The following PCDH11Y variants were observed in gnomAD, a reference collection of about 807,000 sequenced individuals.
The protein encoded by PCDH11Y is protocadherin-11 Y-linked.
For synonymous variants in PCDH11Y, 9 were observed against 83.6 expected (o/e 0.11, Z 4.87); for missense variants, 12 against 224.8 (o/e 0.05, Z 6.05).
At chrY:5,319,654 C>G in intron 2 of PCDH11Y, among the ~76,000 whole-genome samples, 1 of 32,813 alleles carries the variant, frequency 3.0e-5, no homozygotes, top group Non-Finnish European at 7.5e-5. Flanking sequence ...ATCCCAAATC[C>G]AAGTCCTCCT....
At chrY:5,732,724 G>A (rs2556858) in intron 4 of PCDH11Y, among the ~76,000 whole-genome samples, 1 of 32,814 alleles carries the variant, frequency 3.0e-5, no homozygotes, top group Non-Finnish European at 7.5e-5. Context: ...TTATTGAATT[G>A]TTACCTCAAA....
intron 3 of PCDH11Y, among the ~76,000 whole-genome samples, chrY:5,517,202 T>G (rs2053373442): frequency 3.0e-5 from 1 of 33,160 alleles, no homozygotes; most frequent in Non-Finnish European, 7.5e-5. Context: ...GACTGAGTAA[T>G]TCATTTGAGT....
chrY:5,592,477 A>G (rs2053463256), intron 4 of PCDH11Y, among the ~76,000 whole-genome samples: 1 of 30,980 alleles, frequency 3.2e-5, no homozygotes, highest in Non-Finnish European at 7.8e-5. Context: ...ATGCAACTTA[A>G]CAGTCTGTGC....
chrY:5,603,879 G>T, intron 4 of PCDH11Y, among the ~76,000 whole-genome samples: 2 of 18,233 alleles, frequency 1.1e-4, no homozygotes, highest in Non-Finnish European at 2.5e-4. Context: ...AAGAAAGAAA[G>T]AAAGAAAGAA....
At chrY:5,290,300 A>AT (rs2053066075) in intron 2 of PCDH11Y, among the ~76,000 whole-genome samples, 1 of 31,164 alleles carries the variant, frequency 3.2e-5, no homozygotes, top group Non-Finnish European at 7.8e-5. Context: ...GGATTGTTAG[A>AT]TTTTTTTTCC....
At chrY:5,179,322 G>A (rs1569475780) in intron 2 of PCDH11Y, among the ~76,000 whole-genome samples, 41 of 33,078 alleles carry the variant, frequency 1.2e-3, no homozygotes, top group Non-Finnish European at 6.0e-4. Context: ...TAGCCATTCT[G>A]GATGACATGA....
chrY:5,332,885 CTG>C (rs2053132489), intron 2 of PCDH11Y, among the ~76,000 whole-genome samples: 2 of 33,848 alleles, frequency 5.9e-5, no homozygotes, highest in Admixed American at 5.4e-4. Flanking sequence ...TGGCAAGACA[CTG>C]TAGTTCAAAT....
intron 1 of PCDH11Y, among the ~76,000 whole-genome samples, chrY:5,003,094 C>G: frequency 2.9e-5 from 1 of 34,523 alleles, no homozygotes; most frequent in Non-Finnish European, 7.3e-5. Flanking sequence ...CGCAGCCCCC[C>G]CCCTTCCAGT....
chrY:5,557,840 TG>T (rs2053424475), intron 3 of PCDH11Y, among the ~76,000 whole-genome samples: 1 of 32,469 alleles, frequency 3.1e-5, no homozygotes, highest in Non-Finnish European at 7.6e-5. Flanking sequence ...TGTTTTAAGG[TG>T]TGTTCCTTTG....
chrY:5,505,683 T>C, intron 3 of PCDH11Y, among the ~76,000 whole-genome samples: 1 of 33,187 alleles, frequency 3.0e-5, no homozygotes, highest in East Asian at 7.8e-4. Context: ...TTCATTTTTA[T>C]TTCAGTAGAT....
intron 2 of PCDH11Y, among the ~76,000 whole-genome samples, chrY:5,182,940 A>C (rs2052902161): frequency 3.0e-5 from 1 of 33,853 alleles, no homozygotes; most frequent in East Asian, 7.9e-4. Flanking sequence ...TGGGGCACAC[A>C]GAACAATGCT....
In PCDH11Y at chrY:5,372,429, A is replaced by C. The variant is rs201523954; in HGVS notation, c.3130-128628A>C. Among the ~76,000 whole-genome samples, 58 of 33,624 alleles carry C rather than the reference A, an allele frequency of 1.7e-3. No individual in the cohort carries two copies. The East Asian group carries it at 0.044, about 25-fold the overall frequency. 90.2% of individuals were successfully genotyped at this position (33,624 alleles called of 37,273 possible). On this transcript the variant is annotated intron_variant, in intron 2 of 4. Coordinates refer to the PCDH11Y transcript ENST00000400457. ...AAGCAAAAGGAGAGACTTTTATGTA[A>C]ATCTTACTATTTTTAATCAATTGGC...
chrY:5,509,207 T>TA (rs2053361748), intron 3 of PCDH11Y, among the ~76,000 whole-genome samples: 1 of 32,645 alleles, frequency 3.1e-5, no homozygotes, highest in African/African-American at 1.2e-4. Context: ...AGGGGACTGT[T>TA]ACAATATATC....
chrY:5,655,593 A>G (rs2053535316), intron 4 of PCDH11Y, among the ~76,000 whole-genome samples: 1 of 32,075 alleles, frequency 3.1e-5, no homozygotes, highest in East Asian at 8.3e-4. Context: ...TTTCATCTCT[A>G]CCCATATTTT....
chrY:5,012,236 A>G (rs2052550954), intron 1 of PCDH11Y, among the ~76,000 whole-genome samples: 1 of 32,111 alleles, frequency 3.1e-5, no homozygotes, highest in East Asian at 8.0e-4. Context: ...TTGCATTGCT[A>G]TAAAGAACTA....
At chrY:5,670,856 C>A in intron 4 of PCDH11Y, among the ~76,000 whole-genome samples, 4 of 31,993 alleles carry the variant, frequency 1.3e-4, no homozygotes, top group Admixed American at 1.1e-3. Context: ...TTGCCCAGAC[C>A]AATGTCCTAG....
intron 2 of PCDH11Y, among the ~76,000 whole-genome samples, chrY:5,361,436 A>G: frequency 3.3e-5 from 1 of 30,389 alleles, no homozygotes; most frequent in Non-Finnish European, 7.9e-5. Flanking sequence ...CTATGATAAT[A>G]AATTTGGGAA....
chrY:5,358,430 G>A, intron 2 of PCDH11Y, among the ~76,000 whole-genome samples: 1 of 33,191 alleles, frequency 3.0e-5, no homozygotes, highest in Non-Finnish European at 7.4e-5. Context: ...GGTTAAGGAT[G>A]CACCCATGAC....
intron 4 of PCDH11Y, among the ~76,000 whole-genome samples, chrY:5,633,116 G>A: frequency 6.3e-5 from 2 of 31,666 alleles, no homozygotes; most frequent in Non-Finnish European, 1.5e-4. Flanking sequence ...GTTATATTCT[G>A]AACATTTAAT....
Sources: allele counts gnomAD v4.1 joint callset (sites outside exome capture counted in the v4.1 genomes callset), GRCh38; gene constraint gnomAD v4.1.1; transcripts MANE v1.5; gene names NCBI Gene and HGNC (gene_info 2026-07-23, HGNC 2026-07-21).